Variants in ZRANB3 observed in about 807,000 individuals in gnomAD.
The protein encoded by ZRANB3 is DNA annealing helicase and endonuclease ZRANB3.
In ZRANB3, 125 loss-of-function variants were observed where a neutral mutation model predicts 133.8. The observed-to-expected ratio is 0.93, with a 90% confidence interval of 0.81 to 1.08. The LOEUF (loss-of-function observed/expected upper bound fraction) is 1.08, where lower values mean the gene tolerates loss of function less well. Among genes scored for constraint, ZRANB3 ranks in the 50% least tolerant of loss-of-function variants. ZRANB3 has a pLI of 0.00. For synonymous variants in ZRANB3, 387 were observed against 432.7 expected (o/e 0.89, Z 1.31); for missense variants, 1,229 against 1,275.5 (o/e 0.96, Z 0.56).
At chr2:135,334,621 C>T (rs567735379) in intron 6 of ZRANB3, among the ~76,000 whole-genome samples, 22 of 152,114 alleles carry the variant, frequency 1.4e-4, no homozygotes, top group Admixed American at 3.3e-4. Flanking sequence ...TTAGGCCAGT[C>T]GCGGTAGCTC....
intron 2 of ZRANB3, among the ~76,000 whole-genome samples, chr2:135,497,534 T>C (rs1191144838): frequency 6.6e-6 from 1 of 152,232 alleles, no homozygotes; most frequent in Non-Finnish European, 1.5e-5. Context: ...ACACTTCAAG[T>C]ACTCAATAGC....
At position 135,219,198 on chromosome 2, in the gene ZRANB3, A is replaced by G; in HGVS notation, c.2251-20T>C. On this transcript the variant is annotated intron_variant, in intron 15 of 20. Coordinates refer to ENST00000264159, the MANE Select transcript of ZRANB3 (RefSeq NM_032143.4). ...TCCATCCTGATGATAGATTAGGAAG[A>G]CACTAATAATCCATTTTTGTATAGG... The G allele has an allele frequency of 2.1e-6, 3 of 1,443,248 alleles. No individual in the cohort carries two copies. The highest frequency in any genetic ancestry group is 2.8e-6 in the Non-Finnish European group (3 of 1,079,504). The allele number at this position is 1,443,248 out of a possible 1,614,324, so 89.4% of individuals were successfully genotyped here.
Position 135,275,648 on chromosome 2 carries a change from G to T in ZRANB3, c.1074C>A (p.Val358=). The T allele has an allele frequency of 1.9e-6, 3 of 1,584,300 alleles. No individual in the cohort carries two copies. The South Asian group carries it at 3.6e-5, about 19-fold the overall frequency. ...LSMLQACTEA[V]IENKTRYIRI... ...AATGGCAACATACCTTATTTTCGAT[G>T]ACTGCTTCTGTGCAAGCTTGGAGCA... The change falls in exon 9 of 21, where the codon GTC becomes GTA. Residue 358 remains valine, a synonymous_variant. Transcript: ENST00000264159.
chr2:135,331,163 A>G (rs1684120903), intron 6 of ZRANB3, among the ~76,000 whole-genome samples: 1 of 152,066 alleles, frequency 6.6e-6, no homozygotes, highest in Non-Finnish European at 1.5e-5. Flanking sequence ...TAGGGTGTCG[A>G]TTTTAGATCT....
chr2:135,287,657 G>A (rs544455854), intron 8 of ZRANB3, among the ~76,000 whole-genome samples: 3 of 116,696 alleles, frequency 2.6e-5, no homozygotes, highest in Admixed American at 8.9e-5. Flanking sequence ...CCTTGGTTAG[G>A]TATATTTCTT....
intron 12 of ZRANB3, among the ~76,000 whole-genome samples, chr2:135,237,512 T>C (rs1453184323): frequency 6.6e-6 from 1 of 151,296 alleles, no homozygotes; most frequent in Admixed American, 6.6e-5. Flanking sequence ...TGCGGCATTA[T>C]TCACAATAGC....
At chr2:135,358,041 T>A (rs1276077679) in intron 3 of ZRANB3, among the ~76,000 whole-genome samples, 1 of 152,160 alleles carries the variant, frequency 6.6e-6, no homozygotes, top group Non-Finnish European at 1.5e-5. Flanking sequence ...AGATGGCCCT[T>A]CTGGGGGTCA....
chr2:135,521,203 GC>G (rs1437116021), intron 1 of ZRANB3, among the ~76,000 whole-genome samples: 1 of 152,166 alleles, frequency 6.6e-6, no homozygotes, highest in Non-Finnish European at 1.5e-5. Context: ...CTGAATTTTT[GC>G]CATTATGCAA....
At chr2:135,284,827 TTTC>T (rs1265488400) in intron 8 of ZRANB3, among the ~76,000 whole-genome samples, 1 of 151,368 alleles carries the variant, frequency 6.6e-6, no homozygotes, top group Non-Finnish European at 1.5e-5. Flanking sequence ...AGAGAGGTTA[TTTC>T]TTCTTTTTTT....
intron 6 of ZRANB3, among the ~76,000 whole-genome samples, chr2:135,340,673 G>C (rs936559847): frequency 6.6e-6 from 1 of 151,872 alleles, no homozygotes. Flanking sequence ...GGGAAACCAT[G>C]TATTTTTTGT....
intron 2 of ZRANB3, among the ~76,000 whole-genome samples, chr2:135,455,127 T>A (rs1461391046): frequency 6.6e-6 from 1 of 151,150 alleles, no homozygotes; most frequent in Non-Finnish European, 1.5e-5. Flanking sequence ...TCAAACTCTT[T>A]CAGTGTGCCT....
At chr2:135,514,297 T>C (rs1374791465) in intron 1 of ZRANB3, among the ~76,000 whole-genome samples, 1 of 152,214 alleles carries the variant, frequency 6.6e-6, no homozygotes, top group African/African-American at 2.4e-5. Flanking sequence ...TCCATTTGAT[T>C]GTGCCCTCTC....
chr2:135,382,259 T>C (rs1686745810), intron 3 of ZRANB3, among the ~76,000 whole-genome samples: 1 of 151,926 alleles, frequency 6.6e-6, no homozygotes, highest in East Asian at 1.9e-4. Flanking sequence ...GAAGATCAAA[T>C]GAATGAAATG....
intron 8 of ZRANB3, among the ~76,000 whole-genome samples, chr2:135,306,074 C>T (rs1334725459): frequency 1.3e-5 from 2 of 152,146 alleles, no homozygotes; most frequent in East Asian, 1.9e-4. Flanking sequence ...CAGGTTGTAT[C>T]TATTTGATAA....
At chr2:135,207,079 C>T (rs181205488) in intron 19 of ZRANB3, among the ~76,000 whole-genome samples, 67 of 152,070 alleles carry the variant, frequency 4.4e-4, no homozygotes, top group Non-Finnish European at 7.1e-4. Context: ...GCATGAGTAT[C>T]GCTTGAACCC....
At chr2:135,307,686 T>G (rs146623498) in intron 8 of ZRANB3, among the ~76,000 whole-genome samples, 1 of 152,172 alleles carries the variant, frequency 6.6e-6, no homozygotes, top group Non-Finnish European at 1.5e-5. Flanking sequence ...CTAGGAGTTA[T>G]GTGTAGAAGG....
rs566916719 is a variant in ZRANB3, at chr2:135,323,616, T to C, written c.678-8086A>G. Among the ~76,000 whole-genome samples the C allele has an allele frequency of 2.0e-5, 3 of 152,214 alleles. No homozygotes were observed. The East Asian group carries it at 5.8e-4, about 29-fold the overall frequency. Reference sequence around the variant, plus strand: ...TAAATTACAAAGTAATTGGAGATCATCCCATCGGTCAAAAGAGGGACAATT... The same window carrying C: ...TAAATTACAAAGTAATTGGAGATCACCCCATCGGTCAAAAGAGGGACAATT... On this transcript the variant is annotated intron_variant, in intron 6 of 20. Coordinates refer to ENST00000264159, the MANE Select transcript of ZRANB3 (RefSeq NM_032143.4).
At chr2:135,405,890 C>G (rs923898438) in intron 2 of ZRANB3, among the ~76,000 whole-genome samples, 1 of 152,072 alleles carries the variant, frequency 6.6e-6, no homozygotes, top group Non-Finnish European at 1.5e-5. Flanking sequence ...AATTGACACC[C>G]TAACATCACA....
intron 12 of ZRANB3, among the ~76,000 whole-genome samples, chr2:135,262,594 C>CCG (rs1176929857): frequency 2.0e-5 from 3 of 151,554 alleles, no homozygotes; most frequent in African/African-American, 7.3e-5. Flanking sequence ...CCAGCCTGAG[C>CCG]CACGTAGTGA....
Sources: allele counts gnomAD v4.1 joint callset (sites outside exome capture counted in the v4.1 genomes callset), GRCh38; gene constraint gnomAD v4.1.1; transcripts MANE v1.5; gene names NCBI Gene and HGNC (gene_info 2026-07-23, HGNC 2026-07-21).